The following TMEM178B variants were observed in gnomAD, a reference collection of about 807,000 sequenced individuals.
TMEM178B encodes the protein transmembrane protein 178B.
Under a neutral mutation model 31.0 loss-of-function variants are expected in TMEM178B, and 5 were observed. The observed-to-expected ratio is 0.16, with a 90% CI of 0.08 to 0.34. The LOEUF is 0.34. TMEM178B is among the 10% of genes least tolerant of loss of function. The pLI is 1.00. For synonymous variants in TMEM178B, 164 were observed against 164.0 expected (o/e 1.00, Z 0.00); for missense variants, 275 against 400.3 (o/e 0.69, Z 2.67).
intron 1 of TMEM178B, among the ~76,000 whole-genome samples, chr7:141,210,633 C>G (rs1269615737): frequency 6.6e-6 from 1 of 152,150 alleles, no homozygotes; most frequent in Non-Finnish European, 1.5e-5. Context: ...GAAACCCTGG[C>G]TCCTTCAGTG....
intron 2 of TMEM178B, among the ~76,000 whole-genome samples, chr7:141,346,044 A>G (rs1799613672): frequency 6.6e-6 from 1 of 152,158 alleles, no homozygotes; most frequent in African/African-American, 2.4e-5. Context: ...ACACAGTGAA[A>G]CCCTGTCTCT....
At chr7:141,343,525 CTTTTTTTTT>C (rs11442055) in intron 2 of TMEM178B, among the ~76,000 whole-genome samples, 1 of 87,000 alleles carries the variant, frequency 1.1e-5, no homozygotes, top group Non-Finnish European at 2.1e-5. Flanking sequence ...ATGGGAGCAC[CTTTTTTTTT>C]TTTTTTTTTT....
intron 1 of TMEM178B, among the ~76,000 whole-genome samples, chr7:141,185,680 G>A (rs530164889): frequency 3.3e-5 from 5 of 152,250 alleles, no homozygotes; most frequent in Admixed American, 1.3e-4. Context: ...GGCACAGGAT[G>A]GGGGTGTGGC....
intron 1 of TMEM178B, among the ~76,000 whole-genome samples, chr7:141,143,151 T>C (rs1284445451): frequency 1.3e-5 from 2 of 152,232 alleles, no homozygotes; most frequent in African/African-American, 4.8e-5. Context: ...TTTGCAAATA[T>C]TCTTCCATTC....
At position 141,130,660 on chromosome 7, in the gene TMEM178B, A is replaced by G. The variant is rs180855212; in HGVS notation, c.382+55968A>G. Reference sequence around the variant, plus strand: ...TGTTCATATCTTTAATTGCACATATATTCTCAAAGTTTATGTTTTTCTTAT... The same window carrying G: ...TGTTCATATCTTTAATTGCACATATGTTCTCAAAGTTTATGTTTTTCTTAT... On this transcript the variant is annotated intron_variant, in intron 1 of 3. Coordinates refer to ENST00000565468, the MANE Select transcript of TMEM178B (RefSeq NM_001195278.2). 4.1e-3 allele frequency among the ~76,000 whole-genome samples: 624 copies of G among 152,282 alleles called. 6 individuals carry two copies. The highest frequency in any genetic ancestry group is 0.014 in the African/African-American group (593 of 41,560).
At chr7:141,415,530 A>C (rs1009688913) in intron 2 of TMEM178B, 1 of 152,702 alleles carries the variant, frequency 6.5e-6, no homozygotes, top group Admixed American at 6.5e-5. Flanking sequence ...GCCTGGGTTC[A>C]AGGGAAGAAG....
At chr7:141,443,187 T>A (rs372435942) in intron 3 of TMEM178B, among the ~76,000 whole-genome samples, 9 of 152,358 alleles carry the variant, frequency 5.9e-5, no homozygotes, top group African/African-American at 2.2e-4. Flanking sequence ...AGACTTCCCA[T>A]AGTATCCTCT....
At chr7:141,200,682 A>G (rs1463691084) in intron 1 of TMEM178B, among the ~76,000 whole-genome samples, 2 of 152,118 alleles carry the variant, frequency 1.3e-5, no homozygotes, top group Non-Finnish European at 2.9e-5. Context: ...CTTTTTGGAT[A>G]CGGTTCTTAG....
chr7:141,447,556 T>C (rs1181764), intron 3 of TMEM178B, among the ~76,000 whole-genome samples: 121,593 of 151,900 alleles, frequency 0.8, 48,966 homozygotes, highest in African/African-American at 0.87. Flanking sequence ...TTCTGCTTGC[T>C]CTGCTCTCTA....
At chr7:141,137,815 G>A (rs1461302310) in intron 1 of TMEM178B, among the ~76,000 whole-genome samples, 2 of 152,062 alleles carry the variant, frequency 1.3e-5, no homozygotes, top group Non-Finnish European at 2.9e-5. Context: ...GTGTATCAAT[G>A]AAAACAATCG....
chr7:141,217,492 G>A (rs1797176389), intron 2 of TMEM178B, among the ~76,000 whole-genome samples: 1 of 152,208 alleles, frequency 6.6e-6, no homozygotes, highest in Non-Finnish European at 1.5e-5. Flanking sequence ...TGCCCCAGGT[G>A]AGGACCCCAG....
intron 2 of TMEM178B, among the ~76,000 whole-genome samples, chr7:141,372,406 C>G (rs1800134764): frequency 6.6e-6 from 1 of 152,202 alleles, no homozygotes; most frequent in Non-Finnish European, 1.5e-5. Context: ...GCAGTTCCCT[C>G]CCTGCAGATT....
downstream of TMEM178B, among the ~76,000 whole-genome samples, chr7:141,482,825 G>A (rs1202802480): frequency 6.7e-6 from 1 of 149,124 alleles, no homozygotes; most frequent in Non-Finnish European, 1.5e-5. Context: ...AATTCTCCCA[G>A]CAATACTGTG....
At chr7:141,392,916 T>C (rs567930758) in intron 2 of TMEM178B, among the ~76,000 whole-genome samples, 1 of 151,772 alleles carries the variant, frequency 6.6e-6, no homozygotes, top group South Asian at 2.1e-4. Flanking sequence ...TGTCATATAC[T>C]CTTGCCAACC....
At chr7:141,451,200 A>G (rs950621288) in intron 3 of TMEM178B, among the ~76,000 whole-genome samples, 1 of 152,214 alleles carries the variant, frequency 6.6e-6, no homozygotes, top group Non-Finnish European at 1.5e-5. Context: ...AGTCAGACTC[A>G]AAAGTTCTGC....
At chr7:141,374,837 C>T (rs1234231459) in intron 2 of TMEM178B, among the ~76,000 whole-genome samples, 3 of 152,166 alleles carry the variant, frequency 2.0e-5, no homozygotes, top group Admixed American at 2.0e-4. Context: ...TTACTGGAGA[C>T]CTTGCCTTCC....
At chr7:141,337,717 A>G (rs1454612504) in intron 2 of TMEM178B, among the ~76,000 whole-genome samples, 3 of 152,220 alleles carry the variant, frequency 2.0e-5, no homozygotes, top group Admixed American at 2.0e-4. Context: ...TATATAGGTC[A>G]GTGCATACTT....
intron 2 of TMEM178B, among the ~76,000 whole-genome samples, chr7:141,428,925 T>C (rs1233308984): frequency 6.6e-6 from 1 of 152,176 alleles, no homozygotes; most frequent in Non-Finnish European, 1.5e-5. Flanking sequence ...AGGATTGAGT[T>C]TGCTGTAGAC....
intron 1 of TMEM178B, among the ~76,000 whole-genome samples, chr7:141,128,622 A>G (rs977242129): frequency 2.0e-5 from 3 of 152,124 alleles, no homozygotes; most frequent in African/African-American, 7.2e-5. Context: ...TGTTTCATAC[A>G]TTAATAGTGC....
Sources: gnomAD v4.1 joint callset for allele counts (sites outside exome capture counted in the v4.1 genomes callset) on GRCh38, gnomAD v4.1.1 for gene constraint, MANE v1.5 for transcripts, NCBI Gene and HGNC (gene_info 2026-07-23, HGNC 2026-07-21) for gene names.